Variants in CHST11 observed in about 807,000 individuals in gnomAD.
CHST11 encodes carbohydrate sulfotransferase 11, also known as C4S-1.
In CHST11, 9 loss-of-function variants were observed where a neutral mutation model predicts 30.4. The ratio of observed to expected loss-of-function variants is 0.30; its 90% CI spans 0.18 to 0.52. The LOEUF is 0.52. CHST11 is among the 20% of genes least tolerant of loss of function. CHST11 has a pLI of 0.97. For synonymous variants in CHST11, 152 were observed against 187.8 expected (o/e 0.81, Z 1.56); for missense variants, 348 against 460.6 (o/e 0.76, Z 2.24).
At chr12:104,540,532 C>G (rs570701157) in intron 1 of CHST11, among the ~76,000 whole-genome samples, 1 of 152,040 alleles carries the variant, frequency 6.6e-6, no homozygotes, top group Non-Finnish European at 1.5e-5. Flanking sequence ...GAGACAGGAA[C>G]CTCGAGCTAT....
intron 2 of CHST11, among the ~76,000 whole-genome samples, chr12:104,671,554 C>T (rs1229319774): frequency 6.6e-6 from 1 of 152,104 alleles, no homozygotes; most frequent in African/African-American, 2.4e-5. Flanking sequence ...GTCGCTTCCC[C>T]CACAGGTTTC....
chr12:104,540,020 C>T (rs1326876374), intron 1 of CHST11, among the ~76,000 whole-genome samples: 2 of 152,176 alleles, frequency 1.3e-5, no homozygotes, highest in East Asian at 1.9e-4. Context: ...TATGTGCCTC[C>T]TCCCATATAC....
intron 1 of CHST11, among the ~76,000 whole-genome samples, chr12:104,474,038 G>C (rs990092177): frequency 6.6e-6 from 1 of 152,040 alleles, no homozygotes; most frequent in African/African-American, 2.4e-5. Context: ...TGTTTTAAAG[G>C]GGGCATGTGG....
chr12:104,532,290 C>A (rs1299549774), intron 1 of CHST11, among the ~76,000 whole-genome samples: 1 of 152,186 alleles, frequency 6.6e-6, no homozygotes, highest in Non-Finnish European at 1.5e-5. Flanking sequence ...ACTCCAAGGT[C>A]TAGTTCACAG....
In CHST11 at chr12:104,534,035, A is replaced by G. The variant is rs142824741; in HGVS notation, c.119-67871A>G. Among the ~76,000 whole-genome samples the G allele has an allele frequency of 7.3e-5, 11 of 151,258 alleles. No homozygotes were observed. The East Asian group carries it at 2.1e-3, about 29-fold the overall frequency. Reference sequence around the variant, plus strand: ...AGAGATCTTGGGTTAGTAGAGATGCATTTTTTAATAGAGAAAGGGAAAACT... The same window carrying G: ...AGAGATCTTGGGTTAGTAGAGATGCGTTTTTTAATAGAGAAAGGGAAAACT... On this transcript the variant is annotated intron_variant, in intron 1 of 2. Coordinates refer to ENST00000303694, the MANE Select transcript of CHST11 (RefSeq NM_018413.6).
At position 104,632,796 on chromosome 12, in the gene CHST11, G is replaced by A. The variant is rs371424295; in HGVS notation, c.204+30805G>A. On this transcript the variant is annotated intron_variant, in intron 2 of 2. Transcript: ENST00000303694. ...CTGCAGGAGGCGCCCACTCGTTCCC[G>A]GTCCTCCTCCGGGAGGAGCCCACAG... 7.2e-5 allele frequency among the ~76,000 whole-genome samples: 11 copies of A among 152,282 alleles called. No homozygotes were observed. In the East Asian group the frequency reaches 9.6e-4, roughly 13 times the overall value.
At chr12:104,618,399 G>A (rs1452423691) in intron 2 of CHST11, among the ~76,000 whole-genome samples, 2 of 151,558 alleles carry the variant, frequency 1.3e-5, no homozygotes, top group African/African-American at 4.8e-5. Flanking sequence ...AATTGTTGTT[G>A]TTGTTTTCTT....
At chr12:104,525,565 C>T (rs927541738) in intron 1 of CHST11, among the ~76,000 whole-genome samples, 1 of 152,196 alleles carries the variant, frequency 6.6e-6, no homozygotes, top group African/African-American at 2.4e-5. Context: ...CCCTGAGCCT[C>T]AGCTTTCCTC....
chr12:104,559,665 C>A (rs2038493392), intron 1 of CHST11, among the ~76,000 whole-genome samples: 1 of 152,152 alleles, frequency 6.6e-6, no homozygotes, highest in Non-Finnish European at 1.5e-5. Flanking sequence ...ATCGCTTGAA[C>A]CTGGGAGGCA....
At chr12:104,737,099 A>G (rs866640860) in intron 2 of CHST11, among the ~76,000 whole-genome samples, 74 of 152,378 alleles carry the variant, frequency 4.9e-4, no homozygotes, top group African/African-American at 1.6e-3. Context: ...TTAAAACTCC[A>G]TAACAACTTT....
intron 1 of CHST11, among the ~76,000 whole-genome samples, chr12:104,545,502 C>T (rs1364844429): frequency 1.3e-5 from 2 of 152,166 alleles, no homozygotes; most frequent in African/African-American, 4.8e-5. Context: ...ACATGCTTGG[C>T]TGATTGATGG....
intron 1 of CHST11, among the ~76,000 whole-genome samples, chr12:104,527,976 C>A (rs1425855276): frequency 2.0e-5 from 3 of 152,130 alleles, no homozygotes; most frequent in Non-Finnish European, 4.4e-5. Flanking sequence ...ATGGGGGAAA[C>A]CACCCCCATG....
intron 2 of CHST11, among the ~76,000 whole-genome samples, chr12:104,675,073 G>A (rs1042516144): frequency 1.3e-5 from 2 of 152,046 alleles, no homozygotes; most frequent in African/African-American, 2.4e-5. Context: ...ACCTTGCTGT[G>A]GTCAGTCTAG....
At chr12:104,637,129 C>G (rs1463708349) in intron 2 of CHST11, among the ~76,000 whole-genome samples, 1 of 151,322 alleles carries the variant, frequency 6.6e-6, no homozygotes, top group Non-Finnish European at 1.5e-5. Flanking sequence ...ATGGTGAAAC[C>G]TCATGTCTAC....
intron 2 of CHST11, among the ~76,000 whole-genome samples, chr12:104,706,541 C>G (rs1376431311): frequency 2.0e-5 from 3 of 151,722 alleles, no homozygotes; most frequent in African/African-American, 4.9e-5. Context: ...GAGAAGCGAC[C>G]CCCTGGCAGT....
chr12:104,531,923 G>A (rs2038189091), intron 1 of CHST11, among the ~76,000 whole-genome samples: 1 of 152,232 alleles, frequency 6.6e-6, no homozygotes, highest in Non-Finnish European at 1.5e-5. Context: ...GGTAGGCATT[G>A]TTTGTAAATC....
intron 1 of CHST11, among the ~76,000 whole-genome samples, chr12:104,481,388 C>A (rs2037621277): frequency 6.6e-6 from 1 of 152,130 alleles, no homozygotes. Context: ...CTCGTATTGG[C>A]CTTCCCAGTT....
intron 2 of CHST11, among the ~76,000 whole-genome samples, chr12:104,644,737 G>C (rs543990257): frequency 8.5e-5 from 13 of 152,348 alleles, no homozygotes; most frequent in African/African-American, 2.2e-4. Flanking sequence ...GACCAGTGTA[G>C]GTAGGGGAAG....
chr12:104,532,271 C>T (rs1346787772), intron 1 of CHST11, among the ~76,000 whole-genome samples: 1 of 152,102 alleles, frequency 6.6e-6, no homozygotes, highest in African/African-American at 2.4e-5. Context: ...TTTTGACTGG[C>T]AAAGTTTCAC....
Sources: allele counts gnomAD v4.1 joint callset (sites outside exome capture counted in the v4.1 genomes callset), GRCh38; gene constraint gnomAD v4.1.1; transcripts MANE v1.5; gene names NCBI Gene and HGNC (gene_info 2026-07-23, HGNC 2026-07-21).